RCL1: variants seen among roughly 807,000 people sequenced by gnomAD.
RCL1 encodes the protein RNA terminal phosphate cyclase like 1, also known as RNA 3'-terminal phosphate cyclase-like protein.
In RCL1, 24 loss-of-function variants were observed where a neutral mutation model predicts 42.4. The ratio of observed to expected loss-of-function variants is 0.57; its 90% CI spans 0.41 to 0.80. The LOEUF (loss-of-function observed/expected upper bound fraction) is 0.80. RCL1 is among the 30% of genes least tolerant of loss of function. The probability of loss-of-function intolerance (pLI) is 0.00; values close to 1 mark genes in which losing one functional copy is unlikely to be tolerated. For synonymous variants in RCL1, 228 were observed against 177.3 expected, an observed-to-expected ratio of 1.29 and a Z score of -2.27; for missense variants, 578 against 467.9, an observed-to-expected ratio of 1.24 and a Z score of -2.17.
intron 2 of RCL1, 90 bp from the exon 3 acceptor site, chr9:4,826,768 G>C (rs76350722): frequency 8.5e-7 from 1 of 1,172,024 alleles, no homozygotes; most frequent in Non-Finnish European, 1.2e-6. Flanking sequence ...CCCTTGTCAG[G>C]CTTTCCCCTT....
chr9:4,838,284 C>T (rs1450460878), intron 5 of RCL1, among the ~76,000 whole-genome samples: 1 of 152,224 alleles, frequency 6.6e-6, no homozygotes, highest in Non-Finnish European at 1.5e-5. Flanking sequence ...GACCTACCAG[C>T]CAGGGCCCAG....
intron 5 of RCL1, among the ~76,000 whole-genome samples, chr9:4,835,905 G>C (rs996393352): frequency 6.6e-6 from 1 of 152,190 alleles, no homozygotes; most frequent in Non-Finnish European, 1.5e-5. Context: ...ATTCTTACTT[G>C]AGAGGGGATG....
At chr9:4,828,948 A>T (rs1038449624) in intron 3 of RCL1, among the ~76,000 whole-genome samples, 28 of 152,202 alleles carry the variant, frequency 1.8e-4, no homozygotes, top group African/African-American at 6.8e-4. Context: ...CTGAATAAAG[A>T]GTGACTTCTT....
In RCL1 at chr9:4,841,215, T is replaced by C. The variant is rs753265591; in HGVS notation, c.585-17T>C. The C allele has an allele frequency of 3.1e-6, 5 of 1,613,906 alleles. No homozygotes were observed. Among genetic ancestry groups the C allele is most frequent in the Non-Finnish European group, 4.2e-6 (5 of 1,179,924 alleles). On this transcript the variant is annotated splice_polypyrimidine_tract_variant and intron_variant, in intron 5 of 8. Transcript: ENST00000381750. The stretch of plus-strand genomic sequence containing the variant: ...CTGGAATTCAAGCAGAATGACATCC[T>C]TAACTCCAGGCTGCAGGTACTCTGT...
chr9:4,836,501 A>G (rs144743680), intron 5 of RCL1, among the ~76,000 whole-genome samples: 100 of 152,246 alleles, frequency 6.6e-4, no homozygotes, highest in African/African-American at 2.3e-3. Flanking sequence ...TTGGGATTTC[A>G]GATATTAAAA....
intron 5 of RCL1, among the ~76,000 whole-genome samples, chr9:4,837,766 C>G (rs978187835): frequency 6.6e-6 from 1 of 152,182 alleles, no homozygotes; most frequent in Non-Finnish European, 1.5e-5. Flanking sequence ...GCTTCTCCCT[C>G]TAATGTTCTT....
At chr9:4,857,261 C>T (rs1036465042) in intron 8 of RCL1, among the ~76,000 whole-genome samples, 2 of 152,108 alleles carry the variant, frequency 1.3e-5, no homozygotes, top group African/African-American at 4.8e-5. Flanking sequence ...CCCATTCTTC[C>T]CACTCTCCCC....
intron 8 of RCL1, among the ~76,000 whole-genome samples, chr9:4,851,963 C>G (rs1281106041): frequency 1.3e-5 from 2 of 149,542 alleles, no homozygotes; most frequent in Non-Finnish European, 3.0e-5. Flanking sequence ...CCACTGCAAG[C>G]TCCGCCTCCC....
intron 1 of RCL1, among the ~76,000 whole-genome samples, chr9:4,799,083 C>T (rs1358842149): frequency 8.4e-6 from 1 of 119,512 alleles, no homozygotes; most frequent in Non-Finnish European, 1.7e-5. Flanking sequence ...TCCTTCTCTC[C>T]TTCCCTCCCC....
intron 5 of RCL1, 152 bp from the exon 6 acceptor site, chr9:4,841,080 T>G: frequency 2.7e-6 from 2 of 731,362 alleles, no homozygotes; most frequent in East Asian, 5.4e-5. Flanking sequence ...AAAATTTAAT[T>G]ATGGTACTAA....
At chr9:4,846,950 A>G (rs1443247264) in intron 7 of RCL1, among the ~76,000 whole-genome samples, 1 of 147,946 alleles carries the variant, frequency 6.8e-6, no homozygotes, top group African/African-American at 2.5e-5. Flanking sequence ...CAGTGACGTG[A>G]TCTTGGCTCA....
intron 1 of RCL1, among the ~76,000 whole-genome samples, chr9:4,796,275 G>A (rs1049680299): frequency 5.9e-5 from 9 of 152,060 alleles, no homozygotes; most frequent in African/African-American, 2.2e-4. Flanking sequence ...TTATTTCCAT[G>A]TTTAAGTCCA....
At chr9:4,839,908 G>T in intron 5 of RCL1, 1 of 985,722 alleles carries the variant, frequency 1.0e-6, no homozygotes, top group Non-Finnish European at 1.2e-6. Flanking sequence ...AGGGTTTCAG[G>T]AGAGAGATTG....
intron 1 of RCL1, among the ~76,000 whole-genome samples, chr9:4,815,887 C>T (rs1181940893): frequency 6.6e-6 from 1 of 152,058 alleles, no homozygotes; most frequent in Non-Finnish European, 1.5e-5. Flanking sequence ...TCCTTACCTC[C>T]TTGCAGCAGG....
chr9:4,849,519 A>G lies in RCL1; in HGVS notation c.940A>G (p.Lys314Glu), dbSNP rs774167862. The G allele has an allele frequency of 2.5e-6, 4 of 1,613,688 alleles. No homozygotes were observed. Residue 314 changes from lysine to glutamate, a missense_variant, in exon 8 of 9, where the codon AAA (lysine) becomes GAA (glutamate). Transcript: ENST00000381750. ...GACCCTTGGACAGCAGGATGTTTCC[A>G]AAGTCCTGCTAGGCCCTCTCTCTCC... ...LMTLGQQDVSKVLLGPLSPYT... is the reference protein window; with the variant it reads ...LMTLGQQDVSEVLLGPLSPYT...
intron 3 of RCL1, among the ~76,000 whole-genome samples, chr9:4,830,707 A>G (rs544886113): frequency 4.3e-4 from 66 of 152,336 alleles, no homozygotes; most frequent in Admixed American, 2.0e-3. Context: ...ATGTATGTGT[A>G]TATCCATATC....
At chr9:4,833,254 T>C in intron 4 of RCL1, 26 bp downstream of exon 4, 1 of 1,545,140 alleles carries the variant, frequency 6.5e-7, no homozygotes, top group Non-Finnish European at 9.0e-7. Flanking sequence ...CTGTTGACCA[T>C]ATGTTCCTGT....
chr9:4,799,101 C>T (rs1189167694), intron 1 of RCL1, among the ~76,000 whole-genome samples: 5 of 118,820 alleles, frequency 4.2e-5, no homozygotes, highest in Non-Finnish European at 8.3e-5. Context: ...CCCTTCCTCT[C>T]CTTCCTCTTT....
intron 1 of RCL1, among the ~76,000 whole-genome samples, chr9:4,822,152 C>G (rs2130997352): frequency 6.6e-6 from 1 of 152,322 alleles, no homozygotes; most frequent in Non-Finnish European, 1.5e-5. Context: ...TCCATTATGA[C>G]AAGAGTTATG....
Sources: gnomAD v4.1 joint callset for allele counts (sites outside exome capture counted in the v4.1 genomes callset) on GRCh38, gnomAD v4.1.1 for gene constraint, MANE v1.5 for transcripts, NCBI Gene and HGNC (gene_info 2026-07-23, HGNC 2026-07-21) for gene names.